Variants in PDZRN4 observed in about 807,000 individuals in gnomAD.
The protein encoded by PDZRN4 is PDZ domain-containing RING finger protein 4.
PDZRN4 carries 70 observed loss-of-function variants against 99.0 expected under a neutral mutation model. That is an observed-to-expected ratio of 0.71 (90% CI 0.58 to 0.86). PDZRN4 has a LOEUF of 0.86. Among genes scored for constraint, PDZRN4 ranks in the 40% least tolerant of loss-of-function variants. The probability of loss-of-function intolerance (pLI) is 0.00; values close to 1 mark genes in which losing one functional copy is unlikely to be tolerated. For synonymous variants in PDZRN4, 551 were observed against 501.6 expected, an observed-to-expected ratio of 1.10 and a Z score of -1.32; for missense variants, 1,474 against 1,331.2, an observed-to-expected ratio of 1.11 and a Z score of -1.67.
intron 3 of PDZRN4, among the ~76,000 whole-genome samples, chr12:41,378,753 C>T (rs1023867502): frequency 5.3e-5 from 8 of 152,048 alleles, no homozygotes. Flanking sequence ...GAACTCCTGA[C>T]CTCAGGTGAT....
chr12:41,204,974 T>C (rs1950839206), intron 3 of PDZRN4, among the ~76,000 whole-genome samples: 1 of 151,960 alleles, frequency 6.6e-6, no homozygotes. Context: ...TCTGTCTCTA[T>C]GCCAGTACTA....
intron 3 of PDZRN4, among the ~76,000 whole-genome samples, chr12:41,464,353 G>C (rs1952905242): frequency 6.6e-6 from 1 of 151,960 alleles, no homozygotes; most frequent in Non-Finnish European, 1.5e-5. Flanking sequence ...TAAAATGGAA[G>C]AGTTCAAGTT....
chr12:41,414,975 C>A (rs1014781435), intron 3 of PDZRN4, among the ~76,000 whole-genome samples: 2 of 152,132 alleles, frequency 1.3e-5, no homozygotes, highest in Non-Finnish European at 2.9e-5. Flanking sequence ...TGAAAATGAG[C>A]AGTATGAGCT....
In PDZRN4 at chr12:41,563,530, CTCTCATTTGTTT is replaced by C; in HGVS notation, c.1366-14_1366-3del. The C allele has an allele frequency of 6.4e-7, 1 of 1,558,334 alleles. No homozygotes were observed. Among genetic ancestry groups the C allele is most frequent in the Non-Finnish European group, 8.9e-7 (1 of 1,129,488 alleles). On this transcript the variant is annotated splice_region_variant and splice_polypyrimidine_tract_variant and intron_variant, in intron 7 of 9. Coordinates refer to ENST00000402685, the MANE Select transcript of PDZRN4 (RefSeq NM_001164595.2). ...TGTGGAAATGGAAACTAATGTGCCA[CTCTCATTTGTTT>C]TCTAGATAAATGGGGAAGATGTCCA...
chr12:41,497,422 A>G lies in PDZRN4; in HGVS notation c.844-9034A>G, dbSNP rs148394538. 4.6e-5 allele frequency among the ~76,000 whole-genome samples: 7 copies of G among 152,184 alleles called. No individual in the cohort carries two copies. The East Asian group carries it at 1.4e-3, about 29-fold the overall frequency. Reference sequence around the variant, plus strand: ...ATCTGAATTCCTTGTTACGTTTTAAATACTTGGGTCTGATATGTCACAACT... The same window carrying G: ...ATCTGAATTCCTTGTTACGTTTTAAGTACTTGGGTCTGATATGTCACAACT... On this transcript the variant is annotated intron_variant, in intron 3 of 9. Transcript: ENST00000402685.
chr12:41,540,126 C>T (rs1189867470), intron 5 of PDZRN4, among the ~76,000 whole-genome samples: 3 of 152,082 alleles, frequency 2.0e-5, no homozygotes, highest in Non-Finnish European at 4.4e-5. Context: ...AAATGTAGAA[C>T]CTACCAAATT....
chr12:41,335,762 G>C (rs757491863), intron 3 of PDZRN4, among the ~76,000 whole-genome samples: 1 of 152,064 alleles, frequency 6.6e-6, no homozygotes, highest in Non-Finnish European at 1.5e-5. Context: ...GTGTATACTT[G>C]TGAATTTTAC....
chr12:41,320,369 T>C (rs1235922972), intron 3 of PDZRN4, among the ~76,000 whole-genome samples: 1 of 152,234 alleles, frequency 6.6e-6, no homozygotes, highest in Non-Finnish European at 1.5e-5. Context: ...ATTCCACTTG[T>C]TTTCATTTTG....
chr12:41,538,186 TACAAAGGTATATTAAAAAAA>T (rs1036253703), intron 5 of PDZRN4, among the ~76,000 whole-genome samples: 1 of 152,006 alleles, frequency 6.6e-6, no homozygotes, highest in Admixed American at 6.6e-5. Flanking sequence ...TGTCTGGAAA[TACAAAGGTATATTAAAAAAA>T]AAGTAACCAT....
intron 3 of PDZRN4, among the ~76,000 whole-genome samples, chr12:41,405,738 A>G (rs1454522614): frequency 1.3e-5 from 2 of 152,212 alleles, no homozygotes; most frequent in East Asian, 1.9e-4. Flanking sequence ...AAAATGTGGT[A>G]CCTATACACC....
At chr12:41,425,495 T>C (rs752036220) in intron 3 of PDZRN4, among the ~76,000 whole-genome samples, 1 of 152,054 alleles carries the variant, frequency 6.6e-6, no homozygotes, top group Non-Finnish European at 1.5e-5. Flanking sequence ...TGCCAGATGG[T>C]GTTCCTGTAC....
intron 3 of PDZRN4, among the ~76,000 whole-genome samples, chr12:41,429,353 C>G (rs953209257): frequency 6.6e-6 from 1 of 152,138 alleles, no homozygotes; most frequent in African/African-American, 2.4e-5. Context: ...GCAGCAGTAC[C>G]CAATCACCAG....
intron 6 of PDZRN4, among the ~76,000 whole-genome samples, chr12:41,554,665 C>G (rs548076882): frequency 6.1e-4 from 93 of 152,128 alleles, no homozygotes; most frequent in African/African-American, 2.2e-3. Context: ...AACTGTAAGT[C>G]ATCACTCAAG....
Position 41,573,186 on chromosome 12 carries a change from A to G in PDZRN4, c.2407A>G (p.Ser803Gly). Residue 803 changes from serine to glycine, a missense_variant, in exon 10 of 10, where the codon AGC becomes GGC. Ser to Gly is a moderately conservative substitution (Grantham distance 56, BLOSUM62 0). Coordinates refer to ENST00000402685, the MANE Select transcript of PDZRN4 (RefSeq NM_001164595.2). Reference sequence around the variant, plus strand: ...AGCCAAAACCACTGAGCAAGGTTGTAGCGCTGAAAGCAAGGAGAAGGTTTT... The same window carrying G: ...AGCCAAAACCACTGAGCAAGGTTGTGGCGCTGAAAGCAAGGAGAAGGTTTT... The part of the protein sequence containing the change: ...TKAKTTEQGC[S>G]AESKEKVLEG... 6.2e-7 allele frequency: 1 copy of G among 1,614,184 alleles called. No homozygotes were observed. The highest frequency in any genetic ancestry group is 8.5e-7 in the Non-Finnish European group (1 of 1,180,028).
intron 3 of PDZRN4, among the ~76,000 whole-genome samples, chr12:41,453,528 T>C (rs1183111887): frequency 6.6e-6 from 1 of 152,236 alleles, no homozygotes; most frequent in Non-Finnish European, 1.5e-5. Flanking sequence ...TGCTGAGTGC[T>C]AATACCAAAT....
chr12:41,216,917 T>C (rs1950924813), intron 3 of PDZRN4, among the ~76,000 whole-genome samples: 1 of 152,086 alleles, frequency 6.6e-6, no homozygotes, highest in African/African-American at 2.4e-5. Context: ...ATGTTCATAA[T>C]AAATGCCTTG....
At chr12:41,197,918 G>GTTTTTTTTTTTTTTTTTTTTTTTTTTTTT (rs1491129322) in intron 3 of PDZRN4, among the ~76,000 whole-genome samples, 1 of 114,576 alleles carries the variant, frequency 8.7e-6, no homozygotes, top group Non-Finnish European at 1.7e-5. Flanking sequence ...TGTTTTTTCT[G>GTTTTTTTTTTTTTTTTTTTTTTTTTTTTT]GGTTTTTTTT....
intron 3 of PDZRN4, among the ~76,000 whole-genome samples, chr12:41,261,630 C>G (rs1338858109): frequency 1.3e-5 from 2 of 152,262 alleles, no homozygotes; most frequent in Non-Finnish European, 2.9e-5. Context: ...GCTGGGACTA[C>G]AGGCGTGCAC....
At chr12:41,275,002 G>A (rs149432983) in intron 3 of PDZRN4, among the ~76,000 whole-genome samples, 54 of 152,172 alleles carry the variant, frequency 3.5e-4, no homozygotes, top group African/African-American at 1.3e-3. Context: ...GGTCAGTGTC[G>A]GACTAGGCAC....
Sources: allele counts gnomAD v4.1 joint callset (sites outside exome capture counted in the v4.1 genomes callset), GRCh38; gene constraint gnomAD v4.1.1; transcripts MANE v1.5; gene names NCBI Gene and HGNC (gene_info 2026-07-23, HGNC 2026-07-21).